SCRN1: variants seen among roughly 807,000 people sequenced by gnomAD.
The protein encoded by SCRN1 is secernin 1.
A neutral mutation model predicts 43.3 loss-of-function variants in SCRN1; 19 were observed. The observed-to-expected ratio is 0.44, with a 90% CI of 0.31 to 0.64. SCRN1 has a LOEUF of 0.64. SCRN1 is among the 30% of genes least tolerant of loss of function. The pLI, the probability that SCRN1 is intolerant of heterozygous loss-of-function variation, is 0.09. For missense variants in SCRN1, 447 were observed against 524.1 expected, an observed-to-expected ratio of 0.85 and a Z score of 1.44; for synonymous variants, 183 against 188.9, an observed-to-expected ratio of 0.97 and a Z score of 0.26.
At chr7:29,986,410 T>A (rs904176128) in intron 1 of SCRN1, among the ~76,000 whole-genome samples, 2 of 152,106 alleles carry the variant, frequency 1.3e-5, no homozygotes, top group African/African-American at 4.8e-5. Context: ...ATATTTTAAA[T>A]TCTTTCTTCA....
intron 3 of SCRN1, among the ~76,000 whole-genome samples, chr7:29,954,661 A>T (rs1788069857): frequency 6.6e-6 from 1 of 152,134 alleles, no homozygotes; most frequent in Non-Finnish European, 1.5e-5. Context: ...ATTATGCTTT[A>T]GTATGTATCT....
intron 1 of SCRN1, among the ~76,000 whole-genome samples, chr7:29,987,839 G>C (rs1789209045): frequency 6.6e-6 from 1 of 152,122 alleles, no homozygotes; most frequent in African/African-American, 2.4e-5. Flanking sequence ...TGATCTTGGC[G>C]TCCATTCGCC....
chr7:29,947,822 T>C (rs1356713670), intron 3 of SCRN1, among the ~76,000 whole-genome samples: 2 of 152,180 alleles, frequency 1.3e-5, no homozygotes, highest in Non-Finnish European at 2.9e-5. Context: ...ATGGGATTAG[T>C]GCCCTTAAAA....
At chr7:29,941,864 A>G (rs1373156204) in intron 4 of SCRN1, among the ~76,000 whole-genome samples, 1 of 152,234 alleles carries the variant, frequency 6.6e-6, no homozygotes, top group Non-Finnish European at 1.5e-5. Context: ...TAAAAGGGCC[A>G]TTCCTATTTG....
At chr7:29,976,666 C>T (rs1225157297) in intron 1 of SCRN1, among the ~76,000 whole-genome samples, 1 of 152,248 alleles carries the variant, frequency 6.6e-6, no homozygotes, top group Non-Finnish European at 1.5e-5. Flanking sequence ...CCAGCTTTAG[C>T]TACTGTGCCA....
intron 4 of SCRN1, among the ~76,000 whole-genome samples, chr7:29,941,343 C>A (rs1787540492): frequency 6.6e-6 from 1 of 152,180 alleles, no homozygotes; most frequent in African/African-American, 2.4e-5. Flanking sequence ...GGTCTGATTT[C>A]TTTTCACCTG....
At position 29,955,339 on chromosome 7, in the gene SCRN1, G is replaced by C. The variant is rs771299178; in HGVS notation, c.181C>G (p.Gln61Glu). ...ATTATGGCATAGGTCCTTGGAACTT[G>C]GTCGATTGAAATGTAAGTGCACTGA... ...KVECTYISIDQVPRTYAIMIS... is the reference protein window; with the variant it reads ...KVECTYISIDEVPRTYAIMIS... The change falls in exon 3 of 8, where the codon CAA becomes GAA. Residue 61 changes from glutamine (Q) to glutamate (E), a missense_variant. By Grantham distance (29) the Gln-to-Glu change is conservative. Transcript: ENST00000242059. The C allele has an allele frequency of 1.2e-6, 2 of 1,613,584 alleles. No homozygotes were observed. The highest frequency in any genetic ancestry group is 4.5e-5 in the East Asian group (2 of 44,892).
At chr7:29,944,677 A>G (rs1393347727) in intron 3 of SCRN1, among the ~76,000 whole-genome samples, 129 of 150,764 alleles carry the variant, frequency 8.6e-4, no homozygotes, top group South Asian at 1.7e-3. Context: ...AAAAAAAAAA[A>G]AAAGAAAGAA....
chr7:29,936,881 C>T (rs1787353372), intron 5 of SCRN1, among the ~76,000 whole-genome samples, 160 bp from the exon 6 acceptor site: 1 of 151,848 alleles, frequency 6.6e-6, no homozygotes. Flanking sequence ...CCCGTCTGTA[C>T]TAAAAATACA....
chr7:29,946,764 C>G lies in SCRN1; in HGVS notation c.342-2585G>C, dbSNP rs571958178. 1.3e-3 allele frequency among the ~76,000 whole-genome samples: 204 copies of G among 152,334 alleles called. 2 individuals carry two copies. Among genetic ancestry groups the G allele is most frequent in the African/African-American group, 4.7e-3 (197 of 41,582 alleles). The stretch of plus-strand genomic sequence containing the variant: ...TACCCCTTTGTCCCACCTGATTATT[C>G]CCACCTGGTCTTCCTACCATGCCAT... On this transcript the variant is annotated intron_variant, in intron 3 of 7. Transcript: ENST00000242059.
chr7:29,940,109 C>T (rs1241050798), intron 5 of SCRN1, among the ~76,000 whole-genome samples: 5 of 151,946 alleles, frequency 3.3e-5, no homozygotes, highest in South Asian at 2.1e-4. Context: ...TGCAGTGAGC[C>T]GAGACTGTGC....
intron 2 of SCRN1, among the ~76,000 whole-genome samples, chr7:29,957,223 G>A (rs578258605): frequency 5.7e-4 from 87 of 152,214 alleles, no homozygotes; most frequent in Non-Finnish European, 9.8e-4. Flanking sequence ...AGCATTTTGT[G>A]CTAAATGCTG....
chr7:29,960,007 A>AAGGGAGGGAGGG (rs375751882), intron 2 of SCRN1, among the ~76,000 whole-genome samples: 1 of 88,942 alleles, frequency 1.1e-5, no homozygotes, highest in African/African-American at 4.4e-5. Context: ...GGAAGGAAGG[A>AAGGGAGGGAGGG]AGGGAGGGAG....
intron 2 of SCRN1, among the ~76,000 whole-genome samples, chr7:29,956,843 A>T (rs56313745): frequency 0.054 from 7,681 of 143,098 alleles, 233 homozygotes; most frequent in African/African-American, 0.093. Context: ...TTATTTATTT[A>T]AAAAAAAAAT....
rs1057426491 is a variant in SCRN1 at position 29,965,502 on chromosome 7, G to A, written c.159+3407C>T. Among the ~76,000 whole-genome samples, 2 of 152,196 alleles carry A rather than the reference G, an allele frequency of 1.3e-5. No individual in the cohort carries two copies. Among genetic ancestry groups the A allele is most frequent in the Non-Finnish European group, 2.9e-5 (2 of 68,040 alleles). ...GGGGATGGGGGAAGTGAGGGTCGAC[G>A]TTTCCCGTGGGCTTCTAGTATAAAC... On this transcript the variant is annotated intron_variant, in intron 2 of 7. Coordinates refer to ENST00000242059, the MANE Select transcript of SCRN1 (RefSeq NM_014766.5). The surrounding 1 kb of genome is among the most constrained non-coding windows in gnomAD (Gnocchi z 4.2).
intron 1 of SCRN1, among the ~76,000 whole-genome samples, chr7:29,988,270 C>T (rs1583706936): frequency 1.3e-5 from 2 of 152,318 alleles, no homozygotes; most frequent in African/African-American, 4.8e-5. Flanking sequence ...AAAAAGACAT[C>T]AGCAGCCACA....
chr7:29,968,964 A>G lies in SCRN1; in HGVS notation c.104T>C (p.Val35Ala). Residue 35 changes from valine to alanine, a missense_variant, in exon 2 of 8, where the codon GTG (valine) becomes GCG (alanine). Coordinates refer to ENST00000242059, the MANE Select transcript of SCRN1 (RefSeq NM_014766.5). ...GKNSARPRDE[V>A]QEVVYFSAAD... The stretch of plus-strand genomic sequence containing the variant: ...AGCCGAGAAATACACAACCTCTTGC[A>G]CTTCATCTCTGGGCCGGGCTGAATT... The G allele has an allele frequency of 6.2e-7, 1 of 1,614,122 alleles. No individual in the cohort carries two copies. The highest frequency in any genetic ancestry group is 8.5e-7 in the Non-Finnish European group (1 of 1,180,014).
At chr7:29,989,578 G>C in intron 1 of SCRN1, 64 bp downstream of exon 1, 2 of 985,648 alleles carry the variant, frequency 2.0e-6, no homozygotes, top group Non-Finnish European at 1.2e-6. Context: ...TGGCGATGGC[G>C]GGTGGGGTGA....
rs566518851 is a variant in SCRN1, at chr7:29,925,182, C to G, written c.1087-1067G>C. ...ATGCATGCTTCCGATTATCTGCCAG[C>G]CTTTTTAGGCTGGCAGGGAGGAGAG... On this transcript the variant is annotated intron_variant, in intron 7 of 7. Transcript: ENST00000242059. 9.2e-5 allele frequency among the ~76,000 whole-genome samples: 14 copies of G among 152,240 alleles called. No homozygotes were observed. The South Asian group carries it at 2.9e-3, about 32-fold the overall frequency.
Sources: allele counts gnomAD v4.1 joint callset (sites outside exome capture counted in the v4.1 genomes callset), GRCh38; gene constraint gnomAD v4.1.1; non-coding constraint Gnocchi (gnomAD v3.1); transcripts MANE v1.5; gene names NCBI Gene and HGNC (gene_info 2026-07-23, HGNC 2026-07-21).